PTPN14: variants seen among roughly 807,000 people sequenced by gnomAD.
PTPN14 encodes tyrosine-protein phosphatase non-receptor type 14.
Under a neutral mutation model 126.8 loss-of-function variants are expected in PTPN14, and 53 were observed. The ratio of observed to expected loss-of-function variants is 0.42; its 90% confidence interval spans 0.34 to 0.53. The LOEUF (loss-of-function observed/expected upper bound fraction) is 0.53, where lower values mean the gene tolerates loss of function less well. Among genes scored for constraint, PTPN14 ranks in the 20% least tolerant of loss-of-function variants. The pLI is 0.08. For missense variants in PTPN14, 1,257 were observed against 1,552.9 expected (o/e 0.81, Z 3.20); for synonymous variants, 630 against 599.3 (o/e 1.05, Z -0.75).
chr1:214,512,467 T>C (rs1386935156), intron 1 of PTPN14, among the ~76,000 whole-genome samples: 1 of 152,134 alleles, frequency 6.6e-6, no homozygotes, highest in Non-Finnish European at 1.5e-5. Context: ...CCACATTCTG[T>C]ATGATTCCAT....
intron 3 of PTPN14, among the ~76,000 whole-genome samples, chr1:214,427,517 T>C (rs755019265): frequency 7.9e-5 from 12 of 152,316 alleles, no homozygotes; most frequent in Non-Finnish European, 1.5e-4. Flanking sequence ...ATTCCATTAT[T>C]TATTCATTCA....
rs1657727236 is a variant in PTPN14, at chr1:214,352,608, A to G, written c.*5314T>C. On this transcript the variant is annotated 3_prime_UTR_variant, in exon 19 of 19. Coordinates refer to ENST00000366956, the MANE Select transcript of PTPN14 (RefSeq NM_005401.5). Reference sequence around the variant, plus strand: ...AGAAGCTTAAGTAAAGACAAGAACTATTTTGCTTCCTTGCTCAGCGTTCAA... The same window carrying G: ...AGAAGCTTAAGTAAAGACAAGAACTGTTTTGCTTCCTTGCTCAGCGTTCAA... 1 of 152,210 alleles carries G rather than the reference A, an allele frequency of 6.6e-6. No homozygotes were observed. Among genetic ancestry groups the G allele is most frequent in the Admixed American group, 6.5e-5 (1 of 15,284 alleles). The allele number at this position is 152,210 out of a possible 1,614,324, so 9.4% of individuals were successfully genotyped here. A position where few individuals can be genotyped will look rare whatever the true frequency, so the allele number is the denominator to read the frequency against.
chr1:214,409,227 C>T (rs895401393), intron 5 of PTPN14, among the ~76,000 whole-genome samples: 1 of 152,240 alleles, frequency 6.6e-6, no homozygotes, highest in African/African-American at 2.4e-5. Context: ...ATCAACATTT[C>T]CTCCTTCCAC....
chr1:214,511,299 C>T (rs1008763391), intron 1 of PTPN14, among the ~76,000 whole-genome samples: 5 of 152,094 alleles, frequency 3.3e-5, no homozygotes, highest in South Asian at 2.1e-4. Context: ...ATAAAAAATA[C>T]GTTTTTATAA....
intron 1 of PTPN14, among the ~76,000 whole-genome samples, chr1:214,479,993 T>C (rs1660950925): frequency 1.3e-5 from 2 of 152,344 alleles, no homozygotes; most frequent in South Asian, 2.1e-4. Context: ...TATTTTCTCA[T>C]GCTATTAAAA....
intron 1 of PTPN14, among the ~76,000 whole-genome samples, chr1:214,510,983 G>C (rs1253272586): frequency 1.3e-5 from 2 of 152,016 alleles, no homozygotes; most frequent in African/African-American, 4.8e-5. Flanking sequence ...GCTCAAGCAA[G>C]TCTCCCACCT....
intron 3 of PTPN14, among the ~76,000 whole-genome samples, chr1:214,435,389 ATTATG>A (rs1010081213): frequency 3.9e-5 from 6 of 152,134 alleles, no homozygotes; most frequent in Admixed American, 2.0e-4. Flanking sequence ...TCTAGTTATA[ATTATG>A]TTATAATTAT....
At chr1:214,366,660 T>C (rs1026493390) in intron 17 of PTPN14, among the ~76,000 whole-genome samples, 2 of 152,198 alleles carry the variant, frequency 1.3e-5, no homozygotes, top group Non-Finnish European at 2.9e-5. Context: ...CTGCACAGAA[T>C]ACGTGTATTG....
intron 1 of PTPN14, among the ~76,000 whole-genome samples, chr1:214,541,768 T>C (rs1221321574): frequency 6.6e-6 from 1 of 152,230 alleles, no homozygotes; most frequent in Non-Finnish European, 1.5e-5. Context: ...TATGTATTCA[T>C]GGGAATATTT....
chr1:214,398,013 C>A lies in PTPN14; in HGVS notation c.670-12G>T, dbSNP rs376799796. Reference sequence around the variant, plus strand: ...TTTCCATGATTGTCCTGGGTAAGACCAACAAAAGATACTTGTGATGACCCA... The same window carrying A: ...TTTCCATGATTGTCCTGGGTAAGACAAACAAAAGATACTTGTGATGACCCA... On this transcript the variant is annotated splice_polypyrimidine_tract_variant and intron_variant, in intron 7 of 18. Transcript: ENST00000366956. The A allele has an allele frequency of 3.8e-6, 6 of 1,585,030 alleles. No homozygotes were observed. The highest frequency in any genetic ancestry group is 5.2e-6 in the Non-Finnish European group (6 of 1,154,838).
intron 1 of PTPN14, among the ~76,000 whole-genome samples, chr1:214,497,121 G>A (rs1026193690): frequency 1.3e-5 from 2 of 151,894 alleles, no homozygotes; most frequent in Admixed American, 6.6e-5. Flanking sequence ...GGGCAGCGGT[G>A]GGGGGTCGGG....
At chr1:214,365,947 C>G (rs1014665096) in intron 17 of PTPN14, among the ~76,000 whole-genome samples, 2 of 152,056 alleles carry the variant, frequency 1.3e-5, no homozygotes, top group Non-Finnish European at 2.9e-5. Flanking sequence ...GGCGGATCAC[C>G]TGAGGTCAGG....
At chr1:214,483,012 C>G in intron 1 of PTPN14, 1 of 1,438,742 alleles carries the variant, frequency 7.0e-7, no homozygotes, top group Non-Finnish European at 9.2e-7. Flanking sequence ...TACCATTCCC[C>G]CCATACTATT....
intron 1 of PTPN14, among the ~76,000 whole-genome samples, chr1:214,523,659 A>G (rs1655316744): frequency 6.6e-6 from 1 of 152,124 alleles, no homozygotes; most frequent in South Asian, 2.1e-4. Flanking sequence ...AGGGGCCCTG[A>G]GTGCAGTTTC....
intron 1 of PTPN14, among the ~76,000 whole-genome samples, chr1:214,473,899 T>C (rs1344842481): frequency 1.3e-5 from 2 of 152,200 alleles, no homozygotes; most frequent in Non-Finnish European, 2.9e-5. Flanking sequence ...CATCAAATTA[T>C]TTTTAGCCAA....
At chr1:214,373,217 G>A (rs1658260715) in intron 15 of PTPN14, among the ~76,000 whole-genome samples, 1 of 152,110 alleles carries the variant, frequency 6.6e-6, no homozygotes. Context: ...ATCATGCCCG[G>A]CTAATTTTTG....
chr1:214,451,778 T>C (rs1347987325), intron 3 of PTPN14, 27 bp downstream of exon 3: 2 of 1,609,890 alleles, frequency 1.2e-6, no homozygotes, highest in East Asian at 2.2e-5. Context: ...CACCCTTATA[T>C]GGCACACAGG....
In PTPN14 at chr1:214,540,721, C is replaced by T. The variant is rs552358398; in HGVS notation, c.-155+10462G>A. Reference sequence around the variant, plus strand: ...ATGGGGGAAAAGAAAGGACGAGGAGCGTGAACAGCTATTTATTTATTTAAA... The same window carrying T: ...ATGGGGGAAAAGAAAGGACGAGGAGTGTGAACAGCTATTTATTTATTTAAA... On this transcript the variant is annotated intron_variant, in intron 1 of 18. Transcript: ENST00000366956. 4.0e-5 allele frequency among the ~76,000 whole-genome samples: 6 copies of T among 151,842 alleles called. No individual in the cohort carries two copies. The South Asian group carries it at 8.3e-4, about 21-fold the overall frequency.
chr1:214,520,065 A>AATATATATATATATATAT lies in PTPN14; in HGVS notation c.-155+31100_-155+31117dup, dbSNP rs1553274995. Among the ~76,000 whole-genome samples, 89 of 71,052 alleles carry AATATATATATATATATAT rather than the reference A, an allele frequency of 1.3e-3. 1 individual carries two copies. Among genetic ancestry groups the AATATATATATATATATAT allele is most frequent in the East Asian group, 9.2e-3 (19 of 2,068 alleles). 46.6% of individuals were successfully genotyped at this position (71,052 alleles called of 152,430 possible). On this transcript the variant is annotated intron_variant, in intron 1 of 18. Transcript: ENST00000366956. The stretch of plus-strand genomic sequence containing the variant: ...CCTGTCTCAAAAAAAAAAAAAAAAA[A>AATATATATATATATATAT]ATATATATATATATATATGCAGAAT...
Sources: allele counts gnomAD v4.1 joint callset (sites outside exome capture counted in the v4.1 genomes callset), GRCh38; gene constraint gnomAD v4.1.1; transcripts MANE v1.5; gene names NCBI Gene and HGNC (gene_info 2026-07-23, HGNC 2026-07-21).